The following NUP85 variants were observed in gnomAD, a reference collection of about 807,000 sequenced individuals.
NUP85 encodes nucleoporin 85, also known as nuclear pore complex protein Nup85.
In NUP85, 23 loss-of-function variants were observed where a neutral mutation model predicts 92.8. That is an observed-to-expected ratio of 0.25 (90% CI 0.18 to 0.35). The LOEUF (loss-of-function observed/expected upper bound fraction) is 0.35, where lower values mean the gene tolerates loss of function less well. Among genes scored for constraint, NUP85 ranks in the 10% least tolerant of loss-of-function variants. The pLI is 1.00. For synonymous variants in NUP85, 314 were observed against 306.9 expected, an observed-to-expected ratio of 1.02 and a Z score of -0.24; for missense variants, 759 against 822.8, an observed-to-expected ratio of 0.92 and a Z score of 0.95.
Position 75,220,878 on chromosome 17 carries a change from A to ATTTTTT in NUP85, c.597+2589_597+2594dup, listed in dbSNP as rs71159457. Among the ~76,000 whole-genome samples, 3 of 97,558 alleles carry ATTTTTT rather than the reference A, an allele frequency of 3.1e-5. 1 individual carries two copies. The highest frequency in any genetic ancestry group is 1.2e-4 in the African/African-American group (3 of 24,256). The allele number at this position is 97,558 out of a possible 152,430, so 64.0% of individuals were successfully genotyped here. A position where few individuals can be genotyped will look rare whatever the true frequency, so the allele number is the denominator to read the frequency against. ...TGCCTCCCTCCATCCCACCATCCCAATTTTTTTTTTTTTTTTTTTTTTAGC... is the reference window on the plus strand; with the variant it reads ...TGCCTCCCTCCATCCCACCATCCCAATTTTTTTTTTTTTTTTTTTTTTTTTTTTAGC... On this transcript the variant is annotated intron_variant, in intron 7 of 18. Transcript: ENST00000245544.
At chr17:75,233,258 A>G (rs143590548) in intron 16 of NUP85, 100 bp downstream of exon 16, 2 of 901,922 alleles carry the variant, frequency 2.2e-6, no homozygotes, top group East Asian at 4.9e-5. Context: ...TCCTTCATGT[A>G]TTCCCATTGC....
chr17:75,208,496 C>A, intron 1 of NUP85, 31 bp from the exon 2 acceptor site: 28 of 989,186 alleles, frequency 2.8e-5, no homozygotes, highest in Non-Finnish European at 3.9e-5. Flanking sequence ...GAACATTTTT[C>A]ATTTTAGATT....
At chr17:75,216,266 G>C (rs1482189227) in intron 6 of NUP85, 2 of 155,936 alleles carry the variant, frequency 1.3e-5, no homozygotes, top group African/African-American at 4.8e-5. Flanking sequence ...TTTTTCTGTT[G>C]ATCTTTTTTT....
intron 11 of NUP85, among the ~76,000 whole-genome samples, chr17:75,227,493 G>C (rs1483415479): frequency 6.6e-6 from 1 of 151,816 alleles, no homozygotes; most frequent in African/African-American, 2.4e-5. Flanking sequence ...CCGTCACCAC[G>C]CCCAGCAAAT....
In NUP85 at chr17:75,211,992, A is replaced by G; in HGVS notation, c.291A>G (p.Gln97=). ...EELTGKSRKS[Q]LVRVSKNYRS... Reference sequence around the variant, plus strand: ...TTGTGTGTTATTTCATTTTTTGTAGATTGGTTCGAGTGAGTAAAAACTACC... The same window carrying G: ...TTGTGTGTTATTTCATTTTTTGTAGGTTGGTTCGAGTGAGTAAAAACTACC... Residue 97 remains glutamine, a splice_region_variant and synonymous_variant, in exon 4 of 19, where the codon CAA becomes CAG. Transcript: ENST00000245544. The G allele has an allele frequency of 2.5e-6, 4 of 1,611,476 alleles. No homozygotes were observed. The highest frequency in any genetic ancestry group is 3.4e-6 in the Non-Finnish European group (4 of 1,178,568).
chr17:75,230,651 G>A (rs896701568), intron 11 of NUP85, among the ~76,000 whole-genome samples: 5 of 152,080 alleles, frequency 3.3e-5, no homozygotes, highest in Admixed American at 1.3e-4. Flanking sequence ...GAGCTACCGC[G>A]CCCGGCCAAC....
intron 7 of NUP85, 143 bp downstream of exon 7, chr17:75,218,449 C>T (rs2075496585): frequency 3.1e-6 from 3 of 963,486 alleles, no homozygotes; most frequent in South Asian, 3.1e-5. Context: ...TGGATCTTTT[C>T]TTCCCTGCTC....
Position 75,235,080 on chromosome 17 carries a change from A to G in NUP85, c.1768-20A>G. The G allele has an allele frequency of 1.2e-6, 2 of 1,600,820 alleles. No individual in the cohort carries two copies. Among genetic ancestry groups the G allele is most frequent in the Non-Finnish European group, 1.7e-6 (2 of 1,168,528 alleles). ...GGCCAGGGCTGGGGGCAGCCAAGCA[A>G]GGCAGGCTCTCTTCCCTAGGTGATT... On this transcript the variant is annotated intron_variant, in intron 17 of 18. Coordinates refer to ENST00000245544, the MANE Select transcript of NUP85 (RefSeq NM_024844.5).
In NUP85 at chr17:75,225,833, A is replaced by G. The variant is rs201857891; in HGVS notation, c.987+4A>G. On this transcript the variant is annotated splice_donor_region_variant and intron_variant, in intron 10 of 18. Transcript: ENST00000245544. ...TGATCTGCACTACTATGCCCAGGTGAGTGAGCTCGGGGTGGGCAAGGGTGG... is the reference window on the plus strand; with the variant it reads ...TGATCTGCACTACTATGCCCAGGTGGGTGAGCTCGGGGTGGGCAAGGGTGG... 9 of 1,467,848 alleles carry G rather than the reference A, an allele frequency of 6.1e-6. No individual in the cohort carries two copies. In the East Asian group the frequency reaches 2.2e-4, roughly 35 times the overall value. 90.9% of individuals were successfully genotyped at this position (1,467,848 alleles called of 1,614,324 possible). A position where few individuals can be genotyped will look rare whatever the true frequency, so the allele number is the denominator to read the frequency against.
At chr17:75,233,408 TCTTTC>T (rs2076165956) in intron 16 of NUP85, among the ~76,000 whole-genome samples, 2 of 144,692 alleles carry the variant, frequency 1.4e-5, no homozygotes, top group Admixed American at 7.1e-5. Context: ...TCTTTCTCTT[TCTTTC>T]TTTCTTCTTT....
intron 11 of NUP85, among the ~76,000 whole-genome samples, chr17:75,227,190 T>C (rs1334456032): frequency 2.0e-5 from 3 of 152,146 alleles, no homozygotes; most frequent in Non-Finnish European, 4.4e-5. Flanking sequence ...ACTGGCTGTT[T>C]GTAGATCTGG....
chr17:75,229,043 A>G lies in NUP85; in HGVS notation c.1095-2297A>G, dbSNP rs539679132. Reference sequence around the variant, plus strand: ...GTTCCTTGCTGTCTGGCAAGAGGAAACAGCTGGGGTGCACTTCACTGGGAG... The same window carrying G: ...GTTCCTTGCTGTCTGGCAAGAGGAAGCAGCTGGGGTGCACTTCACTGGGAG... On this transcript the variant is annotated intron_variant, in intron 11 of 18. Transcript: ENST00000245544. 4.1e-6 allele frequency: 4 copies of G among 985,456 alleles called. No homozygotes were observed. In the Admixed American group the frequency reaches 2.5e-4, roughly 61 times the overall value. 61.0% of individuals were successfully genotyped at this position (985,456 alleles called of 1,614,324 possible).
At chr17:75,234,904 AT>A in intron 17 of NUP85, 116 bp downstream of exon 17, 14 of 1,312,554 alleles carry the variant, frequency 1.1e-5, no homozygotes, top group Non-Finnish European at 1.4e-5. Flanking sequence ...GTGCGCGTGT[AT>A]TCCCCTTAGC....
At chr17:75,235,514 C>A (rs937737730) in intron 18 of NUP85, 64 bp from the exon 19 acceptor site, 24 of 1,168,414 alleles carry the variant, frequency 2.1e-5, no homozygotes, top group Admixed American at 9.0e-5. Context: ...TTAGCTAGAC[C>A]CTTCGGGAGT....
At chr17:75,228,837 C>G (rs1023849010) in intron 11 of NUP85, 18 of 985,302 alleles carry the variant, frequency 1.8e-5, no homozygotes, top group Non-Finnish European at 2.2e-5. Context: ...GAAAAGGCAG[C>G]CAGGGGATCC....
chr17:75,225,030 G>C, intron 7 of NUP85, 73 bp from the exon 8 acceptor site: 1 of 1,468,038 alleles, frequency 6.8e-7, no homozygotes, highest in East Asian at 2.3e-5. Flanking sequence ...TGTGGGGTGA[G>C]GGGACTGGCC....
chr17:75,218,588 G>T (rs1387962266), intron 7 of NUP85, among the ~76,000 whole-genome samples: 21 of 82,846 alleles, frequency 2.5e-4, no homozygotes, highest in South Asian at 9.5e-4. Flanking sequence ...ATACAAAACC[G>T]TTTTTTTTTT....
intron 1 of NUP85, among the ~76,000 whole-genome samples, chr17:75,207,128 A>G (rs1033291533): frequency 6.6e-6 from 1 of 151,950 alleles, no homozygotes; most frequent in Non-Finnish European, 1.5e-5. Flanking sequence ...GAGGCTCACA[A>G]GGAATTTCCT....
intron 7 of NUP85, among the ~76,000 whole-genome samples, chr17:75,219,973 G>A (rs1007424676): frequency 8.5e-5 from 13 of 152,214 alleles, no homozygotes; most frequent in South Asian, 4.2e-4. Context: ...TAAAGACAGA[G>A]CGATACCAGG....
Sources: allele counts gnomAD v4.1 joint callset (sites outside exome capture counted in the v4.1 genomes callset), GRCh38; gene constraint gnomAD v4.1.1; transcripts MANE v1.5; gene names NCBI Gene and HGNC (gene_info 2026-07-23, HGNC 2026-07-21).